The following VGLL4 variants were observed in gnomAD, a reference collection of about 807,000 sequenced individuals.
The protein encoded by VGLL4 is transcription cofactor vestigial-like protein 4.
A neutral mutation model predicts 21.0 loss-of-function variants in VGLL4; 7 were observed. The ratio of observed to expected loss-of-function variants is 0.33; its 90% CI spans 0.19 to 0.63. The LOEUF (loss-of-function observed/expected upper bound fraction) is 0.63, where lower values mean the gene tolerates loss of function less well. Ranked by LOEUF, VGLL4 falls within the 20% of genes least tolerant of loss-of-function variation. The probability of loss-of-function intolerance (pLI) is 0.78; values close to 1 mark genes in which losing one functional copy is unlikely to be tolerated. For missense variants in VGLL4, 394 were observed against 425.7 expected (o/e 0.93, Z 0.66); for synonymous variants, 222 against 173.2 (o/e 1.28, Z -2.21).
At chr3:11,639,228 G>A (rs1470506383) in intron 1 of VGLL4, among the ~76,000 whole-genome samples, 3 of 152,236 alleles carry the variant, frequency 2.0e-5, no homozygotes, top group Non-Finnish European at 4.4e-5. Context: ...CGATCTTGAG[G>A]AAAGCCCGTG....
chr3:11,644,637 A>G (rs1177953019), upstream of VGLL4, among the ~76,000 whole-genome samples: 1 of 152,088 alleles, frequency 6.6e-6, no homozygotes, highest in African/African-American at 2.4e-5. Context: ...CTTGAGGTCA[A>G]GAGTTCAAGA....
At chr3:11,630,011 G>C (rs1328129098) in intron 1 of VGLL4, among the ~76,000 whole-genome samples, 1 of 152,106 alleles carries the variant, frequency 6.6e-6, no homozygotes, top group Non-Finnish European at 1.5e-5. Flanking sequence ...GTGCCACGTT[G>C]GTGTTTTTTC....
intron 1 of VGLL4, chr3:11,633,277 T>C (rs768038442): frequency 1.3e-5 from 2 of 151,932 alleles, no homozygotes; most frequent in Non-Finnish European, 2.9e-5. Flanking sequence ...GAAATTAGAG[T>C]AAGCCAGACA....
intron 2 of VGLL4, among the ~76,000 whole-genome samples, chr3:11,569,452 C>T (rs1322235503): frequency 1.3e-5 from 2 of 152,232 alleles, no homozygotes; most frequent in Non-Finnish European, 2.9e-5. Flanking sequence ...AACCAACATC[C>T]TGAGGCGGCA....
chr3:11,567,634 A>G (rs1262301677), intron 2 of VGLL4, among the ~76,000 whole-genome samples: 1 of 152,160 alleles, frequency 6.6e-6, no homozygotes, highest in Non-Finnish European at 1.5e-5. Context: ...AGGTTTCTGC[A>G]ATGAATGCCT....
intron 1 of VGLL4, among the ~76,000 whole-genome samples, chr3:11,635,836 T>C (rs1021815446): frequency 1.3e-5 from 2 of 152,232 alleles, no homozygotes; most frequent in African/African-American, 4.8e-5. Flanking sequence ...TTCTAGTCGG[T>C]AGAACTTAAA....
chr3:11,563,776 A>G (rs1471638132), intron 3 of VGLL4, among the ~76,000 whole-genome samples: 1 of 152,172 alleles, frequency 6.6e-6, no homozygotes, highest in Non-Finnish European at 1.5e-5. Context: ...TGTTAAATGG[A>G]TGAATCAAAC....
chr3:11,617,101 A>C (rs1003505844), intron 1 of VGLL4, among the ~76,000 whole-genome samples: 12 of 152,152 alleles, frequency 7.9e-5, no homozygotes, highest in Non-Finnish European at 1.6e-4. Context: ...AAAAAAAGAG[A>C]GCGATGCCAC....
chr3:11,619,797 T>C (rs868818681), intron 1 of VGLL4, among the ~76,000 whole-genome samples: 1 of 152,154 alleles, frequency 6.6e-6, no homozygotes, highest in Non-Finnish European at 1.5e-5. Flanking sequence ...GCAGCAAAGA[T>C]GTTACATTGT....
At chr3:11,689,228 T>C (rs145406700) in intron 2 of VGLL4, among the ~76,000 whole-genome samples, 35 of 152,234 alleles carry the variant, frequency 2.3e-4, no homozygotes, top group Non-Finnish European at 5.0e-4. Context: ...AATAAATGCA[T>C]CTTCTTTTCA....
intron 2 of VGLL4, among the ~76,000 whole-genome samples, chr3:11,662,952 A>G (rs1269937381): frequency 6.6e-6 from 1 of 152,250 alleles, no homozygotes; most frequent in Non-Finnish European, 1.5e-5. Context: ...AACACATTTT[A>G]TAACATAAAC....
intron 2 of VGLL4, among the ~76,000 whole-genome samples, chr3:11,694,625 A>G (rs1378101934): frequency 6.6e-6 from 1 of 152,158 alleles, no homozygotes; most frequent in Non-Finnish European, 1.5e-5. Context: ...GTCTCAAAAA[A>G]AAAAAAGAAA....
chr3:11,690,914 T>G (rs893832539), intron 2 of VGLL4, among the ~76,000 whole-genome samples: 2 of 152,152 alleles, frequency 1.3e-5, no homozygotes, highest in Non-Finnish European at 2.9e-5. Flanking sequence ...TCAACGAGTA[T>G]TTCATAAATG....
chr3:11,713,943 T>C (rs2076884634), intron 1 of VGLL4, among the ~76,000 whole-genome samples: 1 of 152,096 alleles, frequency 6.6e-6, no homozygotes, highest in African/African-American at 2.4e-5. Context: ...CTTGAGTCTA[T>C]AGGACTTCTC....
chr3:11,655,959 A>T (rs1371211356), intron 2 of VGLL4, among the ~76,000 whole-genome samples: 1 of 152,192 alleles, frequency 6.6e-6, no homozygotes, highest in Non-Finnish European at 1.5e-5. Context: ...GAAAGAACAA[A>T]TGGGAAGGGA....
chr3:11,560,009 C>G (rs2072831287), intron 3 of VGLL4, among the ~76,000 whole-genome samples: 1 of 152,108 alleles, frequency 6.6e-6, no homozygotes, highest in Non-Finnish European at 1.5e-5. Context: ...CGGCACACAT[C>G]CCACCCCAGC....
chr3:11,567,548 A>G (rs891800335), intron 2 of VGLL4, among the ~76,000 whole-genome samples: 16 of 152,210 alleles, frequency 1.1e-4, no homozygotes, highest in African/African-American at 2.2e-4. Context: ...TCAAAACGTT[A>G]AAATACTAAA....
rs147154715 is a variant in VGLL4 at position 11,692,279 on chromosome 3, T to C, written c.64+10692A>G. Among the ~76,000 whole-genome samples, 261 of 152,322 alleles carry C rather than the reference T, an allele frequency of 1.7e-3. 1 individual carries two copies. The highest frequency in any genetic ancestry group is 0.01 in the Middle Eastern group (3 of 294). On this transcript the variant is annotated intron_variant, in intron 2 of 5. Coordinates refer to the VGLL4 transcript ENST00000273038. ...CATTTATTATGCTAATTTGATCTGATATAAAACTATAAAAATAGCAGAGAC... is the reference window on the plus strand; with the variant it reads ...CATTTATTATGCTAATTTGATCTGACATAAAACTATAAAAATAGCAGAGAC...
intron 1 of VGLL4, among the ~76,000 whole-genome samples, chr3:11,714,823 C>A (rs906105390): frequency 6.6e-6 from 1 of 152,094 alleles, no homozygotes; most frequent in African/African-American, 2.4e-5. Context: ...TCTTAGGGAC[C>A]TATTACTCCC....
Sources: allele counts gnomAD v4.1 joint callset (sites outside exome capture counted in the v4.1 genomes callset), GRCh38; gene constraint gnomAD v4.1.1; transcripts MANE v1.5; gene names NCBI Gene and HGNC (gene_info 2026-07-23, HGNC 2026-07-21).